The following TANGO6 variants were observed in gnomAD, a reference collection of about 807,000 sequenced individuals.
The protein encoded by TANGO6 is transport and Golgi organization protein 6 homolog.
A neutral mutation model predicts 114.2 loss-of-function variants in TANGO6; 90 were observed. The observed-to-expected ratio is 0.79, with a 90% CI of 0.66 to 0.94. TANGO6 has a LOEUF of 0.94. Ranked by LOEUF, TANGO6 falls within the 40% of genes least tolerant of loss-of-function variation. The pLI is 0.00. For missense variants in TANGO6, 1,274 were observed against 1,315.3 expected (o/e 0.97, Z 0.49); for synonymous variants, 477 against 509.8 (o/e 0.94, Z 0.87).
At chr16:68,894,661 C>T (rs1456972114) in intron 7 of TANGO6, among the ~76,000 whole-genome samples, 2 of 151,964 alleles carry the variant, frequency 1.3e-5, no homozygotes, top group Admixed American at 1.3e-4. Context: ...TCTCATTATG[C>T]ACAGGGGAAG....
chr16:69,078,996 G>A (rs929559770), intron 17 of TANGO6, among the ~76,000 whole-genome samples: 11 of 151,764 alleles, frequency 7.2e-5, no homozygotes, highest in Admixed American at 2.0e-4. Flanking sequence ...TGCCCGTCTC[G>A]GCTACTGCAC....
At chr16:68,896,294 A>G (rs895207182) in intron 7 of TANGO6, among the ~76,000 whole-genome samples, 1 of 151,958 alleles carries the variant, frequency 6.6e-6, no homozygotes, top group Non-Finnish European at 1.5e-5. Context: ...GATATGAGCC[A>G]CCACACCCAG....
chr16:68,867,414 T>C, intron 4 of TANGO6, 194 bp downstream of exon 4: 1 of 614,094 alleles, frequency 1.6e-6, no homozygotes, highest in Non-Finnish European at 2.7e-6. Flanking sequence ...CTCTTGCTCT[T>C]TTCCTAAAAC....
chr16:68,953,089 A>ATTATTATTATTATTG (rs1247039007), intron 14 of TANGO6, among the ~76,000 whole-genome samples: 3 of 131,458 alleles, frequency 2.3e-5, no homozygotes, highest in African/African-American at 8.1e-5. Context: ...TATTATTATT[A>ATTATTATTATTATTG]TTTTGTGTGT....
intron 17 of TANGO6, among the ~76,000 whole-genome samples, chr16:69,083,190 A>G (rs1035337053): frequency 2.3e-4 from 34 of 146,086 alleles, no homozygotes; most frequent in African/African-American, 8.7e-4. Flanking sequence ...CCTCCTCAGT[A>G]GCTGGGACTA....
chr16:68,885,457 A>G (rs1962527536), intron 7 of TANGO6: 1 of 151,880 alleles, frequency 6.6e-6, no homozygotes, highest in African/African-American at 2.4e-5. Context: ...CATTCTCCCA[A>G]CTCTGCTCAT....
At chr16:68,973,627 C>T (rs1963732129) in intron 14 of TANGO6, among the ~76,000 whole-genome samples, 1 of 152,168 alleles carries the variant, frequency 6.6e-6, no homozygotes, top group South Asian at 2.1e-4. Context: ...GGAAACTCAG[C>T]CATGAGCTTA....
At chr16:68,897,581 T>G (rs1228220539) in intron 7 of TANGO6, among the ~76,000 whole-genome samples, 3 of 146,850 alleles carry the variant, frequency 2.0e-5, no homozygotes, top group Admixed American at 6.8e-5. Context: ...ATTAGCGGAT[T>G]TTTTTTTTTT....
intron 12 of TANGO6, among the ~76,000 whole-genome samples, chr16:68,920,892 T>C (rs1208758542): frequency 6.6e-6 from 1 of 151,792 alleles, no homozygotes; most frequent in Non-Finnish European, 1.5e-5. Context: ...GGTGGGCGGA[T>C]CAGGAGGTCA....
chr16:68,896,509 C>T (rs1697577637), intron 7 of TANGO6, among the ~76,000 whole-genome samples: 1 of 151,220 alleles, frequency 6.6e-6, no homozygotes, highest in Admixed American at 6.6e-5. Flanking sequence ...TGGGTTCATG[C>T]TATGTTGCCC....
At chr16:69,082,142 C>T (rs1474126590) in intron 17 of TANGO6, among the ~76,000 whole-genome samples, 1 of 152,150 alleles carries the variant, frequency 6.6e-6, no homozygotes, top group Non-Finnish European at 1.5e-5. Flanking sequence ...TGCCACCACG[C>T]CCAGCTAATT....
At chr16:68,867,023 G>T in intron 3 of TANGO6, 56 bp from the exon 4 acceptor site, 1 of 818,134 alleles carries the variant, frequency 1.2e-6, no homozygotes, top group Non-Finnish European at 1.8e-6. Flanking sequence ...CACTACGCCC[G>T]GCCATCATAT....
At chr16:69,046,476 A>G (rs2152235975) in intron 17 of TANGO6, among the ~76,000 whole-genome samples, 1 of 152,178 alleles carries the variant, frequency 6.6e-6, no homozygotes, top group East Asian at 1.9e-4. Context: ...GTGCCACCAC[A>G]CGTGGCTAAT....
At chr16:69,011,979 G>A (rs990288441) in intron 15 of TANGO6, among the ~76,000 whole-genome samples, 2 of 152,190 alleles carry the variant, frequency 1.3e-5, no homozygotes, top group African/African-American at 2.4e-5. Flanking sequence ...TCACTTGATT[G>A]TTCACCTTCC....
At chr16:69,063,808 C>CTTCTTATTATTATTA (rs56983779) in intron 17 of TANGO6, among the ~76,000 whole-genome samples, 5 of 125,584 alleles carry the variant, frequency 4.0e-5, no homozygotes, top group African/African-American at 1.6e-4. Context: ...TCTTCTTCTT[C>CTTCTTATTATTATTA]TTATTATTAT....
In TANGO6 at chr16:69,051,830, A is replaced by G. The variant is rs1213675357; in HGVS notation, c.3108+11409A>G. ...CACTGCACTTCAGCCTGGGCAACAG[A>G]GCGAGACTGTCTCAAAAAATTAAAA... On this transcript the variant is annotated intron_variant, in intron 17 of 17. Transcript: ENST00000261778. Among the ~76,000 whole-genome samples the G allele has an allele frequency of 2.0e-5, 3 of 152,138 alleles. No individual in the cohort carries two copies. The South Asian group carries it at 6.2e-4, about 31-fold the overall frequency.
intron 4 of TANGO6, among the ~76,000 whole-genome samples, chr16:68,872,820 C>T (rs1962297460): frequency 6.6e-6 from 1 of 151,770 alleles, no homozygotes; most frequent in South Asian, 2.1e-4. Flanking sequence ...CCTCAGCTTC[C>T]CGAGTAGCTG....
intron 14 of TANGO6, among the ~76,000 whole-genome samples, chr16:68,953,020 T>G (rs1290463307): frequency 6.6e-6 from 1 of 150,580 alleles, no homozygotes; most frequent in Non-Finnish European, 1.5e-5. Context: ...TGTTAATGGC[T>G]TAAAATGTTC....
chr16:69,020,759 C>T (rs1438619510), intron 15 of TANGO6, among the ~76,000 whole-genome samples: 2 of 151,914 alleles, frequency 1.3e-5, no homozygotes, highest in Middle Eastern at 3.2e-3. Flanking sequence ...AAATTAGGCG[C>T]GATGGCATAC....
Sources: allele counts gnomAD v4.1 joint callset (sites outside exome capture counted in the v4.1 genomes callset), GRCh38; gene constraint gnomAD v4.1.1; transcripts MANE v1.5; gene names NCBI Gene and HGNC (gene_info 2026-07-23, HGNC 2026-07-21).